The following ATG16L1 variants were observed in gnomAD, a reference collection of about 807,000 sequenced individuals.
ATG16L1 encodes autophagy-related protein 16-1.
Under a neutral mutation model 88.5 loss-of-function variants are expected in ATG16L1, and 37 were observed. The ratio of observed to expected loss-of-function variants is 0.42; its 90% CI spans 0.32 to 0.55. The LOEUF is 0.55. Ranked by LOEUF, ATG16L1 falls within the 20% of genes least tolerant of loss-of-function variation. The pLI is 0.13. For synonymous variants in ATG16L1, 301 were observed against 281.0 expected, an observed-to-expected ratio of 1.07 and a Z score of -0.71; for missense variants, 554 against 752.8, an observed-to-expected ratio of 0.74 and a Z score of 3.09.
intron 14 of ATG16L1, 35 bp from the exon 15 acceptor site, chr2:233,292,093 T>C (rs533399700): frequency 6.2e-7 from 1 of 1,608,080 alleles, no homozygotes; most frequent in East Asian, 2.2e-5. Context: ...AGTTCTGGCC[T>C]ACGTTACATT....
intron 10 of ATG16L1, among the ~76,000 whole-genome samples, chr2:233,280,126 T>A (rs1377291772): frequency 6.6e-6 from 1 of 152,216 alleles, no homozygotes; most frequent in African/African-American, 2.4e-5. Flanking sequence ...GTGGCCTGAA[T>A]GTACATGACA....
chr2:233,266,575 G>A (rs1697598255), intron 5 of ATG16L1, among the ~76,000 whole-genome samples: 1 of 152,144 alleles, frequency 6.6e-6, no homozygotes, highest in Admixed American at 6.5e-5. Context: ...AATGACAATA[G>A]GAAAGAGTCT....
intron 1 of ATG16L1, among the ~76,000 whole-genome samples, chr2:233,254,600 G>A (rs945096473): frequency 3.3e-5 from 5 of 152,186 alleles, no homozygotes; most frequent in East Asian, 1.9e-4. Context: ...CCTTTTGAAC[G>A]CCTGTGTTTT....
Position 233,264,903 on chromosome 2 carries a change from G to A in ATG16L1, c.401G>A (p.Cys134Tyr), listed in dbSNP as rs1172644391. Residue 134 changes from cysteine to tyrosine, a missense_variant, in exon 5 of 18, where the codon TGT becomes TAT. This residue lies in a region of ATG16L1 where 50 missense variants were observed against 49.4 expected (regional missense o/e 1.01). Coordinates refer to ENST00000392017, the MANE Select transcript of ATG16L1 (RefSeq NM_030803.7). ...MQMNEAKIAE[C>Y]LQTISDLETE... is the part of the protein sequence containing the mutation. ...TGTCATGCTTCCAGAATTGCAGAATGTTTGCAGACTATCTCTGACCTGGAG... is the reference window on the plus strand; with the variant it reads ...TGTCATGCTTCCAGAATTGCAGAATATTTGCAGACTATCTCTGACCTGGAG... The A allele has an allele frequency of 3.1e-6, 5 of 1,613,836 alleles. No homozygotes were observed. The highest frequency in any genetic ancestry group is 3.4e-6 in the Non-Finnish European group (4 of 1,179,884).
At chr2:233,256,235 A>T in intron 2 of ATG16L1, 40 bp downstream of exon 2, 2 of 1,522,994 alleles carry the variant, frequency 1.3e-6, no homozygotes, top group Non-Finnish European at 1.8e-6. Flanking sequence ...GTCTCCTCTA[A>T]GGAAATTTAT....
chr2:233,282,974 A>C, intron 12 of ATG16L1: 1 of 500,810 alleles, frequency 2.0e-6, no homozygotes, highest in Non-Finnish European at 3.7e-6. Context: ...TCACATTTGC[A>C]TGAAAACCTT....
chr2:233,267,433 A>T (rs566513678), intron 5 of ATG16L1, among the ~76,000 whole-genome samples: 35 of 150,204 alleles, frequency 2.3e-4, no homozygotes, highest in Non-Finnish European at 2.2e-4. Context: ...ATGTTTTCAT[A>T]CAGATGATCC....
intron 8 of ATG16L1, 126 bp from the exon 9 acceptor site, chr2:233,274,550 A>G: frequency 1.6e-6 from 1 of 634,962 alleles, no homozygotes; most frequent in Non-Finnish European, 2.7e-6. Flanking sequence ...TGAAGAATCT[A>G]GAAGGACAGG....
In ATG16L1 at chr2:233,270,008, G is replaced by T. The variant is rs1319623423; in HGVS notation, c.648G>T (p.Arg216=). Residue 216 remains arginine (R), a synonymous_variant, in exon 6 of 18, where the codon CGG becomes CGT. Coordinates refer to ENST00000392017, the MANE Select transcript of ATG16L1 (RefSeq NM_030803.7). ...NAENEKDSRR[R]QARLQKELAE... ...TTTTTTTTTTTCCCAACAGGAGGCG[G>T]CAAGCCCGGCTGCAGAAAGAGCTTG... 1.3e-6 allele frequency: 2 copies of T among 1,575,584 alleles called. No homozygotes were observed. Among genetic ancestry groups the T allele is most frequent in the Middle Eastern group, 1.7e-4 (1 of 5,886 alleles).
intron 2 of ATG16L1, among the ~76,000 whole-genome samples, chr2:233,258,489 T>C (rs1348055663): frequency 6.6e-6 from 1 of 152,222 alleles, no homozygotes; most frequent in Non-Finnish European, 1.5e-5. Flanking sequence ...TGGGAGGCCT[T>C]CTGTAGTACT....
At chr2:233,285,045 G>C (rs1559407648) in intron 12 of ATG16L1, among the ~76,000 whole-genome samples, 1 of 152,242 alleles carries the variant, frequency 6.6e-6, no homozygotes. Flanking sequence ...TGCACTGCTA[G>C]AGAGCCTGCC....
At chr2:233,291,283 C>G (rs1422302203) in intron 14 of ATG16L1, among the ~76,000 whole-genome samples, 2 of 152,156 alleles carry the variant, frequency 1.3e-5, no homozygotes, top group African/African-American at 4.8e-5. Flanking sequence ...TATTCATAAT[C>G]TTTAGTTTGC....
intron 9 of ATG16L1, among the ~76,000 whole-genome samples, chr2:233,276,498 T>C (rs1460845393): frequency 6.6e-6 from 1 of 152,238 alleles, no homozygotes; most frequent in Non-Finnish European, 1.5e-5. Context: ...AATGGGATGC[T>C]GAGTCTCACT....
At chr2:233,273,248 C>T (rs189350858) in intron 7 of ATG16L1, 196 bp downstream of exon 7, 13 of 567,330 alleles carry the variant, frequency 2.3e-5, no homozygotes, top group Non-Finnish European at 3.5e-5. Flanking sequence ...AAGCAGAACA[C>T]GGGTGGCTTC....
chr2:233,273,686 T>C (rs1698139044), intron 7 of ATG16L1, 35 bp from the exon 8 acceptor site: 1 of 1,604,294 alleles, frequency 6.2e-7, no homozygotes, highest in Non-Finnish European at 8.5e-7. Context: ...GCAAAATGTT[T>C]CTAAGGTTTA....
At chr2:233,292,618 G>A (rs1380750572) in intron 16 of ATG16L1, among the ~76,000 whole-genome samples, 184 bp downstream of exon 16, 1 of 152,192 alleles carries the variant, frequency 6.6e-6, no homozygotes, top group African/African-American at 2.4e-5. Context: ...TTCCTTTTGT[G>A]ATTACATGAA....
intron 9 of ATG16L1, among the ~76,000 whole-genome samples, chr2:233,276,334 C>G (rs979343185): frequency 6.6e-6 from 1 of 152,038 alleles, no homozygotes; most frequent in Non-Finnish European, 1.5e-5. Flanking sequence ...TAGAAATTTC[C>G]AAACATACGC....
Position 233,274,658 on chromosome 2 carries a change from C to T in ATG16L1, c.852-18C>T, listed in dbSNP as rs373861966. 1.3e-6 allele frequency: 2 copies of T among 1,575,742 alleles called. No individual in the cohort carries two copies. The highest frequency in any genetic ancestry group is 1.7e-6 in the Non-Finnish European group (2 of 1,146,048). ...CTCTGCAATCCTGTCTAATATTTGT[C>T]TTTATGTTATTTCTTAGGAGACGCT... On this transcript the variant is annotated intron_variant, in intron 8 of 17. Transcript: ENST00000392017.
chr2:233,263,082 C>T (rs772884434), intron 2 of ATG16L1, 48 bp from the exon 3 acceptor site: 25 of 1,522,386 alleles, frequency 1.6e-5, no homozygotes, highest in Non-Finnish European at 1.8e-5. Flanking sequence ...CATTTTTCCC[C>T]CTCCGTTTTT....
Sources: allele counts gnomAD v4.1 joint callset (sites outside exome capture counted in the v4.1 genomes callset), GRCh38; gene constraint gnomAD v4.1.1; regional missense constraint gnomAD v4.1.1; transcripts MANE v1.5; gene names NCBI Gene and HGNC (gene_info 2026-07-23, HGNC 2026-07-21).